The following KIZ variants were observed in gnomAD, a reference collection of about 807,000 sequenced individuals.
The protein encoded by KIZ is kizuna centrosomal protein.
KIZ carries 68 observed loss-of-function variants against 79.6 expected under a neutral mutation model. That is an observed-to-expected ratio of 0.85 (90% CI 0.70 to 1.05). The LOEUF (loss-of-function observed/expected upper bound fraction) is 1.05. Among genes scored for constraint, KIZ ranks in the 50% least tolerant of loss-of-function variants. KIZ has a pLI of 0.00. For synonymous variants in KIZ, 280 were observed against 281.8 expected, an observed-to-expected ratio of 0.99 and a Z score of 0.06; for missense variants, 797 against 800.4, an observed-to-expected ratio of 1.00 and a Z score of 0.05.
chr20:21,177,682 A>T (rs974917522), intron 6 of KIZ, among the ~76,000 whole-genome samples: 1 of 151,928 alleles, frequency 6.6e-6, no homozygotes, highest in East Asian at 1.9e-4. Context: ...CTTTTCCCCT[A>T]TGTTTTCTTC....
Position 21,162,303 on chromosome 20 carries a change from GA to G in KIZ, c.841del (p.Arg281AspfsTer2). ...KSAELNSPLR[E>X]RLSPENRTTD... is the part of the protein sequence containing the mutation. ...TGCTGAACTCAATTCCCCGTTACGG[GA>G]AAGATTAAGTCCAGAGAACAGAACC... On this transcript the variant is annotated frameshift_variant, in exon 5 of 13. Coordinates refer to ENST00000619189, the MANE Select transcript of KIZ (RefSeq NM_018474.6). LOFTEE classifies it high-confidence loss of function. 1 of 1,613,960 alleles carries G rather than the reference GA, an allele frequency of 6.2e-7. No homozygotes were observed. Among genetic ancestry groups the G allele is most frequent in the Non-Finnish European group, 8.5e-7 (1 of 1,179,862 alleles).
chr20:21,231,625 T>G (rs1034481985), intron 10 of KIZ, among the ~76,000 whole-genome samples: 1 of 152,180 alleles, frequency 6.6e-6, no homozygotes, highest in African/African-American at 2.4e-5. Flanking sequence ...TCAGATCCTT[T>G]GGCTGTGTTT....
intron 4 of KIZ, among the ~76,000 whole-genome samples, chr20:21,159,463 C>A (rs2033552191): frequency 6.6e-6 from 1 of 152,102 alleles, no homozygotes. Flanking sequence ...AAACCCCATA[C>A]CTGTTGGGAA....
In KIZ at chr20:21,162,470, G is replaced by T. The variant is rs983896453; in HGVS notation, c.1005G>T (p.Trp335Cys). The change falls in exon 5 of 13, where the codon TGG becomes TGT. Residue 335 changes from tryptophan (W) to cysteine (C), a missense_variant. Transcript: ENST00000619189. ...VSEYCESENK[W>C]SQEKHSPWEG... ...AATACTGTGAATCTGAAAATAAGTGGTCTCAAGAGAAGCATTCTCCTTGGG... is the reference window on the plus strand; with the variant it reads ...AATACTGTGAATCTGAAAATAAGTGTTCTCAAGAGAAGCATTCTCCTTGGG... 1 of 1,613,510 alleles carries T rather than the reference G, an allele frequency of 6.2e-7. No individual in the cohort carries two copies. Among genetic ancestry groups the T allele is most frequent in the East Asian group, 2.2e-5 (1 of 44,848 alleles).
chr20:21,136,698 G>T, intron 3 of KIZ, 146 bp downstream of exon 3: 3 of 550,898 alleles, frequency 5.4e-6, no homozygotes, highest in Non-Finnish European at 3.2e-6. Context: ...CTCCTGAGTA[G>T]CTGGGATTAC....
chr20:21,228,483 G>C (rs941033578), intron 9 of KIZ, among the ~76,000 whole-genome samples: 1 of 152,032 alleles, frequency 6.6e-6, no homozygotes, highest in African/African-American at 2.4e-5. Flanking sequence ...ACCCGTTCTC[G>C]CTCCTTCCCC....
intron 6 of KIZ, among the ~76,000 whole-genome samples, chr20:21,183,877 C>T (rs1488500417): frequency 6.6e-6 from 1 of 152,168 alleles, no homozygotes; most frequent in African/African-American, 2.4e-5. Context: ...CCGTCTGGAT[C>T]AACTCAGTTC....
chr20:21,190,597 TC>T (rs2035068870), intron 6 of KIZ, among the ~76,000 whole-genome samples: 1 of 152,232 alleles, frequency 6.6e-6, no homozygotes, highest in African/African-American at 2.4e-5. Context: ...CAGACAATAG[TC>T]TGCTTTGGTT....
chr20:21,157,542 T>G (rs1019210600), intron 4 of KIZ, among the ~76,000 whole-genome samples: 3 of 152,230 alleles, frequency 2.0e-5, no homozygotes, highest in Non-Finnish European at 4.4e-5. Flanking sequence ...TCACTTTCTG[T>G]AGTTCTGAAG....
rs756423093 is a variant in KIZ, at chr20:21,229,130, A to G, written c.1783+15A>G. ...ACACTTGTCAGGTAAGTAAGAGCAG[A>G]TGGCAGTGTCCAGGGGCCCAGAGTG... On this transcript the variant is annotated intron_variant, in intron 10 of 12. Coordinates refer to ENST00000619189, the MANE Select transcript of KIZ (RefSeq NM_018474.6). 4.0e-5 allele frequency: 59 copies of G among 1,481,472 alleles called. No individual in the cohort carries two copies. Among genetic ancestry groups the G allele is most frequent in the Non-Finnish European group, 4.9e-5 (52 of 1,062,274 alleles). The allele number at this position is 1,481,472 out of a possible 1,614,324, so 91.8% of individuals were successfully genotyped here. A position where few individuals can be genotyped will look rare whatever the true frequency, so the allele number is the denominator to read the frequency against.
chr20:21,224,160 C>T (rs924634699), intron 9 of KIZ, among the ~76,000 whole-genome samples: 1 of 151,260 alleles, frequency 6.6e-6, no homozygotes, highest in Admixed American at 6.6e-5. Context: ...TGCAGTGGTG[C>T]AGATAACAGC....
At chr20:21,151,705 C>A (rs529795700) in intron 4 of KIZ, 1 of 152,180 alleles carries the variant, frequency 6.6e-6, no homozygotes, top group Admixed American at 6.5e-5. Flanking sequence ...AGATATACTT[C>A]ATGCAGTCTT....
At chr20:21,179,774 A>G (rs573567725) in intron 6 of KIZ, among the ~76,000 whole-genome samples, 1 of 151,730 alleles carries the variant, frequency 6.6e-6, no homozygotes, top group Non-Finnish European at 1.5e-5. Flanking sequence ...TTTTGTTTTC[A>G]TTTGTCTCAG....
chr20:21,201,900 T>C (rs949401396), intron 6 of KIZ, among the ~76,000 whole-genome samples: 1 of 152,236 alleles, frequency 6.6e-6, no homozygotes, highest in Non-Finnish European at 1.5e-5. Context: ...TTGCCTGATC[T>C]ATCCCAAAAG....
intron 7 of KIZ, among the ~76,000 whole-genome samples, chr20:21,208,779 A>T (rs1315995216): frequency 6.6e-6 from 1 of 152,120 alleles, no homozygotes; most frequent in Non-Finnish European, 1.5e-5. Flanking sequence ...AGCCCCAAAG[A>T]ATATTACCAA....
intron 7 of KIZ, among the ~76,000 whole-genome samples, chr20:21,210,015 C>T (rs2076817135): frequency 6.6e-6 from 1 of 151,960 alleles, no homozygotes; most frequent in South Asian, 2.1e-4. Flanking sequence ...TTATATATAA[C>T]CCTGTTAACA....
chr20:21,215,301 G>A (rs1201526344), intron 8 of KIZ, among the ~76,000 whole-genome samples: 1 of 152,196 alleles, frequency 6.6e-6, no homozygotes, highest in Non-Finnish European at 1.5e-5. Flanking sequence ...CAGGATGTGA[G>A]ACTCACTTAT....
chr20:21,181,801 C>A (rs1039902787), intron 6 of KIZ, among the ~76,000 whole-genome samples: 1 of 152,138 alleles, frequency 6.6e-6, no homozygotes, highest in Non-Finnish European at 1.5e-5. Context: ...CATTGTTGAA[C>A]ATTCAGCTAT....
At chr20:21,244,446 C>T (rs1370848277) in intron 12 of KIZ, 158 bp downstream of exon 12, 8 of 631,402 alleles carry the variant, frequency 1.3e-5, no homozygotes, top group Admixed American at 2.9e-5. Context: ...CTGAGGGCTT[C>T]TGGAGGCTCA....
Sources: allele counts gnomAD v4.1 joint callset (sites outside exome capture counted in the v4.1 genomes callset), GRCh38; gene constraint gnomAD v4.1.1; transcripts MANE v1.5; gene names NCBI Gene and HGNC (gene_info 2026-07-23, HGNC 2026-07-21).